BRINP3: variants seen among roughly 807,000 people sequenced by gnomAD.
BRINP3 encodes the protein BMP/retinoic acid inducible neural specific 3.
Under a neutral mutation model 71.0 loss-of-function variants are expected in BRINP3, and 19 were observed. That is an observed-to-expected ratio of 0.27 (90% CI 0.19 to 0.39). The LOEUF (loss-of-function observed/expected upper bound fraction) is 0.39. Ranked by LOEUF, BRINP3 falls within the 10% of genes least tolerant of loss-of-function variation. The pLI, the probability that BRINP3 is intolerant of heterozygous loss-of-function variation, is 1.00. For synonymous variants in BRINP3, 380 were observed against 337.7 expected, an observed-to-expected ratio of 1.13 and a Z score of -1.37; for missense variants, 959 against 940.8, an observed-to-expected ratio of 1.02 and a Z score of -0.25.
intron 3 of BRINP3, 82 bp from the exon 4 acceptor site, chr1:190,265,137 CT>C: frequency 8.0e-7 from 1 of 1,247,766 alleles, no homozygotes; most frequent in Non-Finnish European, 1.1e-6. Flanking sequence ...AAAGGTCTAG[CT>C]TATGAATATA....
At chr1:190,269,089 C>T (rs1661890118) in intron 3 of BRINP3, among the ~76,000 whole-genome samples, 2 of 152,090 alleles carry the variant, frequency 1.3e-5, no homozygotes, top group South Asian at 4.1e-4. Flanking sequence ...TATAATTAAA[C>T]AGTGCAGGCT....
intron 2 of BRINP3, among the ~76,000 whole-genome samples, chr1:190,398,002 C>T (rs762590690): frequency 1.8e-4 from 28 of 151,782 alleles, no homozygotes; most frequent in Non-Finnish European, 3.4e-4. Context: ...ATTTTTGGAC[C>T]ATATATGTAC....
intron 7 of BRINP3, among the ~76,000 whole-genome samples, chr1:190,139,472 A>T (rs1046766280): frequency 6.7e-6 from 1 of 148,586 alleles, no homozygotes; most frequent in East Asian, 2.0e-4. Flanking sequence ...AAAAAAAAAG[A>T]AAGAAAGAAA....
intron 1 of BRINP3, among the ~76,000 whole-genome samples, chr1:190,464,993 C>T (rs1190238256): frequency 6.6e-6 from 1 of 151,858 alleles, no homozygotes; most frequent in African/African-American, 2.4e-5. Context: ...TCTTGTCCTA[C>T]CAACAAAGAG....
intron 2 of BRINP3, among the ~76,000 whole-genome samples, chr1:190,382,412 C>T (rs1182305939): frequency 6.6e-6 from 1 of 152,074 alleles, no homozygotes; most frequent in Non-Finnish European, 1.5e-5. Flanking sequence ...AATGTGGACT[C>T]ATTTAATGAG....
intron 2 of BRINP3, among the ~76,000 whole-genome samples, chr1:190,301,280 C>T (rs908142672): frequency 7.2e-6 from 1 of 138,988 alleles, no homozygotes; most frequent in Non-Finnish European, 1.5e-5. Flanking sequence ...CCACTGGGGT[C>T]AATATTTTAC....
intron 2 of BRINP3, among the ~76,000 whole-genome samples, chr1:190,369,960 C>T (rs757839206): frequency 2.4e-4 from 36 of 152,206 alleles, no homozygotes; most frequent in South Asian, 8.3e-4. Context: ...ATTTTAAACT[C>T]ATTATGGAGT....
In BRINP3 at chr1:190,462,549, A is replaced by T. The variant is rs1676466052; in HGVS notation, c.-50-7609T>A. 3.9e-5 allele frequency among the ~76,000 whole-genome samples: 6 copies of T among 152,260 alleles called. No homozygotes were observed. The South Asian group carries it at 1.0e-3, about 26-fold the overall frequency. The stretch of plus-strand genomic sequence containing the variant: ...ATATACTAGGATTATTTTGATTGAG[A>T]TCTCCCTGACTACCTGTGAGAAAAG... On this transcript the variant is annotated intron_variant, in intron 1 of 7. Transcript: ENST00000367462.
At chr1:190,192,768 T>C (rs535647440) in intron 6 of BRINP3, among the ~76,000 whole-genome samples, 3 of 152,126 alleles carry the variant, frequency 2.0e-5, no homozygotes, top group South Asian at 2.1e-4. Context: ...AATAAAGAGA[T>C]AGAGATTTGT....
intron 4 of BRINP3, among the ~76,000 whole-genome samples, chr1:190,245,395 A>T (rs557302252): frequency 9.6e-4 from 146 of 152,116 alleles, no homozygotes; most frequent in Non-Finnish European, 1.7e-3. Flanking sequence ...AGAAACATAT[A>T]GTGTGCATGA....
intron 2 of BRINP3, among the ~76,000 whole-genome samples, chr1:190,368,420 C>A (rs1669646388): frequency 6.6e-6 from 1 of 152,044 alleles, no homozygotes; most frequent in South Asian, 2.1e-4. Flanking sequence ...GCCTCCATAA[C>A]AACTGTTTCA....
At chr1:190,366,907 C>T (rs553231668) in intron 2 of BRINP3, among the ~76,000 whole-genome samples, 1 of 152,338 alleles carries the variant, frequency 6.6e-6, no homozygotes, top group African/African-American at 2.4e-5. Flanking sequence ...GCAGCTCCAT[C>T]CCTGTGGCTT....
chr1:190,344,127 GA>G (rs925592525), intron 2 of BRINP3, among the ~76,000 whole-genome samples: 13 of 151,662 alleles, frequency 8.6e-5, no homozygotes, highest in Admixed American at 1.3e-4. Context: ...AATTTCAGTA[GA>G]AAAAAATCTT....
At chr1:190,189,742 A>G (rs1333027233) in intron 6 of BRINP3, among the ~76,000 whole-genome samples, 1 of 152,022 alleles carries the variant, frequency 6.6e-6, no homozygotes, top group Non-Finnish European at 1.5e-5. Context: ...TTTATCAGAC[A>G]ATTTATAATT....
chr1:190,445,480 A>T (rs1225402832), intron 2 of BRINP3, among the ~76,000 whole-genome samples: 1 of 152,122 alleles, frequency 6.6e-6, no homozygotes, highest in Non-Finnish European at 1.5e-5. Flanking sequence ...TTTGTAACTT[A>T]GTGAGAAACA....
intron 6 of BRINP3, among the ~76,000 whole-genome samples, chr1:190,182,784 G>A (rs941873353): frequency 3.9e-5 from 6 of 152,124 alleles, no homozygotes; most frequent in Admixed American, 3.3e-4. Flanking sequence ...GTGATGTAGC[G>A]TGGGAGCTTT....
At chr1:190,362,506 C>A (rs915665748) in intron 2 of BRINP3, among the ~76,000 whole-genome samples, 3 of 152,160 alleles carry the variant, frequency 2.0e-5, no homozygotes, top group African/African-American at 7.2e-5. Flanking sequence ...CTATTCACAG[C>A]AAACCCAAAC....
intron 2 of BRINP3, among the ~76,000 whole-genome samples, chr1:190,327,029 A>G (rs1475774515): frequency 6.8e-6 from 1 of 147,886 alleles, no homozygotes; most frequent in Non-Finnish European, 1.5e-5. Context: ...AAAAAAAAAT[A>G]CACAAGCCTG....
chr1:190,467,917 CAT>C, intron 1 of BRINP3, among the ~76,000 whole-genome samples: 1 of 151,444 alleles, frequency 6.6e-6, no homozygotes, highest in Non-Finnish European at 1.5e-5. Flanking sequence ...TAAAATGAGA[CAT>C]TACGATATCT....
Sources: allele counts gnomAD v4.1 joint callset (sites outside exome capture counted in the v4.1 genomes callset), GRCh38; gene constraint gnomAD v4.1.1; transcripts MANE v1.5; gene names NCBI Gene and HGNC (gene_info 2026-07-23, HGNC 2026-07-21).